Variants in ALDH3B2 observed in about 807,000 individuals in gnomAD.
ALDH3B2 encodes the protein aldehyde dehydrogenase 3 family member B2.
ALDH3B2 carries 45 observed loss-of-function variants against 36.7 expected under a neutral mutation model. The observed-to-expected ratio is 1.23, with a 90% CI of 0.97 to 1.57. ALDH3B2 has a LOEUF of 1.57. Among genes scored for constraint, ALDH3B2 ranks in the 40% most tolerant of loss-of-function variants. The probability of loss-of-function intolerance (pLI) is 0.00; values close to 1 mark genes in which losing one functional copy is unlikely to be tolerated. For missense variants in ALDH3B2, 464 were observed against 513.3 expected, an observed-to-expected ratio of 0.90 and a Z score of 0.93; for synonymous variants, 217 against 226.5, an observed-to-expected ratio of 0.96 and a Z score of 0.38.
intron 1 of ALDH3B2, among the ~76,000 whole-genome samples, chr11:67,672,079 A>G (rs865819470): frequency 6.5e-5 from 5 of 76,380 alleles, no homozygotes; most frequent in Admixed American, 1.5e-4. Context: ...ATATATATAT[A>G]TATATATATG....
intron 3 of ALDH3B2, 89 bp downstream of exon 3, chr11:67,666,816 TC>T: frequency 6.2e-7 from 1 of 1,609,518 alleles, no homozygotes; most frequent in African/African-American, 1.3e-5. Context: ...AATCAGTGAC[TC>T]GCCCGGGGCC....
At chr11:67,666,334 C>A in exon 5 of ALDH3B2, 1 of 1,606,270 alleles carries the variant, frequency 6.2e-7, no homozygotes, top group East Asian at 2.3e-5. Flanking sequence ...GGTACTGGGG[C>A]AGCACCTCAG....
chr11:67,674,788 A>G (rs1025869909), upstream of ALDH3B2: 2 of 152,286 alleles, frequency 1.3e-5, no homozygotes, highest in African/African-American at 4.8e-5. Context: ...CGGCTTGGGA[A>G]CAGGTTAGAC....
chr11:67,662,942 G>A (rs140511729), exon 10 of ALDH3B2: 60 of 476,870 alleles, frequency 1.3e-4, no homozygotes, highest in Non-Finnish European at 1.7e-4. Flanking sequence ...AACCCTGACC[G>A]AGAGGGCAAA....
At position 67,664,571 on chromosome 11, in the gene ALDH3B2, A is replaced by T; in HGVS notation, c.707-9T>A. ...CACCAGCACCGTGGGGGCTGCGGGC[A>T]CCAGAGACGGCTCAGCCCTGGGGCC... On this transcript the variant is annotated splice_polypyrimidine_tract_variant and intron_variant, in intron 7 of 9. Transcript: ENST00000349015. 1 of 1,612,406 alleles carries T rather than the reference A, an allele frequency of 6.2e-7. No individual in the cohort carries two copies. Among genetic ancestry groups the T allele is most frequent in the Non-Finnish European group, 8.5e-7 (1 of 1,179,882 alleles).
upstream of ALDH3B2, among the ~76,000 whole-genome samples, chr11:67,678,682 G>T: frequency 7.3e-6 from 1 of 136,574 alleles, no homozygotes; most frequent in African/African-American, 2.7e-5. Context: ...CACACACTAT[G>T]GTGTATATAT....
chr11:67,667,380 G>A (rs1855949855), intron 2 of ALDH3B2, 93 bp downstream of exon 2: 1 of 352,646 alleles, frequency 2.8e-6, no homozygotes, highest in African/African-American at 2.1e-5. Flanking sequence ...ATAAAACTAG[G>A]GACATAGCCA....
chr11:67,674,885 G>C (rs1856231210), upstream of ALDH3B2, among the ~76,000 whole-genome samples: 1 of 152,166 alleles, frequency 6.6e-6, no homozygotes, highest in South Asian at 2.1e-4. Flanking sequence ...AACCCCAGGG[G>C]AAGGTCACAG....
Position 67,666,190 on chromosome 11 carries a change from A to G in ALDH3B2, c.251T>C (p.Val84Ala), listed in dbSNP as rs1855903370. ...TGTCTCCTGGGGTCCGCCCAGCACC[A>G]CGGCAAAGCAGCTCTGCAAGGTGGA... The change falls in exon 6 of 10, where the codon GTG (valine) becomes GCG (alanine). Residue 84 changes from valine to alanine, a missense_variant. Transcript: ENST00000349015. The G allele has an allele frequency of 4.3e-6, 7 of 1,614,020 alleles. No individual in the cohort carries two copies. In the East Asian group the frequency reaches 1.6e-4, roughly 36 times the overall value.
chr11:67,663,572 G>C, intron 9 of ALDH3B2, 90 bp downstream of exon 9: 1 of 1,404,176 alleles, frequency 7.1e-7, no homozygotes, highest in Non-Finnish European at 9.8e-7. Context: ...CCAGGGTGTG[G>C]ATCAAGGTTG....
rs190354065 is a variant in ALDH3B2 at position 67,662,844 on chromosome 11, C to T, written c.*371G>A. The T allele has an allele frequency of 1.8e-4, 43 of 244,946 alleles. 1 individual carries two copies. In the East Asian group the frequency reaches 4.0e-3, roughly 23 times the overall value. The allele number at this position is 244,946 out of a possible 1,614,324, so 15.2% of individuals were successfully genotyped here. A position where few individuals can be genotyped will look rare whatever the true frequency, so the allele number is the denominator to read the frequency against. On this transcript the variant is annotated 3_prime_UTR_variant, in exon 10 of 10. Coordinates refer to ENST00000349015, the Ensembl canonical transcript of ALDH3B2. ...GAGAGCAAAGGCCTGGAGGGCTCCA[C>T]GCTCTCAACCGTTCAGGGCTGATGC... is the stretch of plus-strand genomic sequence containing the variant.
At chr11:67,670,049 TCTCTATGTGTATGG>T (rs1474224863) in intron 1 of ALDH3B2, among the ~76,000 whole-genome samples, 16 of 20,544 alleles carry the variant, frequency 7.8e-4, no homozygotes, top group Non-Finnish European at 9.1e-4. Flanking sequence ...TGTATGGGTG[TCTCTATGTGTATGG>T]GTGTGTGTGT....
chr11:67,666,877 C>T (rs1017670350), intron 3 of ALDH3B2, 29 bp downstream of exon 3: 2 of 1,614,154 alleles, frequency 1.2e-6, no homozygotes, highest in African/African-American at 2.7e-5. Flanking sequence ...CCCTGCCCTG[C>T]CCTCCTGCCG....
intron 1 of ALDH3B2, among the ~76,000 whole-genome samples, chr11:67,669,809 TGTGTCTGTGTGTGTATGG>T (rs1856041110): frequency 8.0e-6 from 1 of 124,932 alleles, no homozygotes; most frequent in Non-Finnish European, 1.7e-5. Flanking sequence ...TGTGTCCACG[TGTGTCTGTGTGTGTATGG>T]GTGTCTGTGT....
intron 6 of ALDH3B2, 129 bp from the exon 7 acceptor site, chr11:67,665,800 C>A (rs2134132993): frequency 1.5e-6 from 2 of 1,371,406 alleles, no homozygotes; most frequent in Non-Finnish European, 2.0e-6. Context: ...GGTGAGGAGA[C>A]CCCATCCTCA....
intron 9 of ALDH3B2, 109 bp from the exon 10 acceptor site, chr11:67,663,508 C>A: frequency 7.0e-7 from 1 of 1,420,630 alleles, no homozygotes; most frequent in Non-Finnish European, 9.7e-7. Flanking sequence ...TCAGAGAGAG[C>A]CAGGCCACTC....
Position 67,666,568 on chromosome 11 carries a change from C to T in ALDH3B2, c.151+6G>A, listed in dbSNP as rs1565247330. On this transcript the variant is annotated splice_donor_region_variant and intron_variant, in intron 4 of 9. Transcript: ENST00000349015. ...GAGAGCATGGGGTTCGGAACGCCCT[C>T]CTCACCTGCGGCGAGGGCGCCCACC... 3 of 1,613,918 alleles carry T rather than the reference C, an allele frequency of 1.9e-6. No individual in the cohort carries two copies. Among genetic ancestry groups the T allele is most frequent in the Non-Finnish European group, 2.5e-6 (3 of 1,179,860 alleles).
At chr11:67,662,197 G>A (rs1356787830) in exon 10 of ALDH3B2, 1 of 152,238 alleles carries the variant, frequency 6.6e-6, no homozygotes, top group Non-Finnish European at 1.5e-5. Flanking sequence ...AGGAGCAGAG[G>A]ATTCCTATCT....
At chr11:67,665,815 GC>G in intron 6 of ALDH3B2, 144 bp from the exon 7 acceptor site, 4 of 1,303,660 alleles carry the variant, frequency 3.1e-6, no homozygotes, top group Non-Finnish European at 3.1e-6. Flanking sequence ...TCCTCAACTG[GC>G]CTTGACCACA....
Sources: gnomAD v4.1 joint callset for allele counts (sites outside exome capture counted in the v4.1 genomes callset) on GRCh38, gnomAD v4.1.1 for gene constraint, MANE v1.5 for transcripts, NCBI Gene and HGNC (gene_info 2026-07-23, HGNC 2026-07-21) for gene names.